ADAM20: variants seen among roughly 807,000 people sequenced by gnomAD.
ADAM20 encodes the protein disintegrin and metalloproteinase domain-containing protein 20.
For missense variants in ADAM20, 871 were observed against 883.2 expected (o/e 0.99, Z 0.18); for synonymous variants, 305 against 310.2 (o/e 0.98, Z 0.18).
chr14:70,542,854 G>A, the ADAM20 span, among the ~76,000 whole-genome samples: 9 of 151,826 alleles, frequency 5.9e-5, no homozygotes, highest in African/African-American at 7.3e-5. Context: ...CAGGAGAATC[G>A]CTTGAACCCG....
At chr14:70,529,626 T>C (rs1883667388) in intron 1 of ADAM20, among the ~76,000 whole-genome samples, 1 of 152,220 alleles carries the variant, frequency 6.6e-6, no homozygotes. Context: ...AGTATTTGTG[T>C]ATATAAACAT....
At chr14:70,530,241 G>T (rs1428601297) in intron 1 of ADAM20, among the ~76,000 whole-genome samples, 1 of 151,960 alleles carries the variant, frequency 6.6e-6, no homozygotes, top group African/African-American at 2.4e-5. Context: ...AGCCTAGGTC[G>T]TCACAGGGTG....
At chr14:70,566,919 T>C in the ADAM20 span, among the ~76,000 whole-genome samples, 11 of 151,634 alleles carry the variant, frequency 7.3e-5, no homozygotes, top group African/African-American at 4.9e-5. Flanking sequence ...GAGGCGGAGG[T>C]TGCAGTGAGC....
chr14:70,571,810 C>T, the ADAM20 span, among the ~76,000 whole-genome samples: 1 of 152,048 alleles, frequency 6.6e-6, no homozygotes, highest in Non-Finnish European at 1.5e-5. Flanking sequence ...AATCAATGTA[C>T]AAAAATCAGT....
the ADAM20 span, among the ~76,000 whole-genome samples, chr14:70,564,454 AG>A: frequency 0.15 from 22,577 of 152,196 alleles, 2,379 homozygotes; most frequent in East Asian, 0.49. Flanking sequence ...ACAGGGAAAA[AG>A]TGTTGTTTCA....
rs754033245 is a variant in ADAM20, at chr14:70,523,746, T to C, written c.1012A>G (p.Ile338Val). The change falls in exon 2 of 2, where the codon ATT becomes GTT. Residue 338 changes from isoleucine to valine, a missense_variant. By Grantham distance (29) the Ile-to-Val change is conservative. Coordinates refer to ENST00000256389, the MANE Select transcript of ADAM20 (RefSeq NM_003814.5). ...FEDNRLVVFA[I>V]TLGHELGHNL... ...TGACCAAGCTCGTGGCCCAAAGTAATTGCAAAAACGACCAACCTGTTGTCT... is the reference window on the plus strand; with the variant it reads ...TGACCAAGCTCGTGGCCCAAAGTAACTGCAAAAACGACCAACCTGTTGTCT... 3 of 1,614,036 alleles carry C rather than the reference T, an allele frequency of 1.9e-6. No individual in the cohort carries two copies. The highest frequency in any genetic ancestry group is 2.2e-5 in the East Asian group (1 of 44,870).
chr14:70,527,420 A>G (rs1422373408), intron 1 of ADAM20, among the ~76,000 whole-genome samples: 2 of 152,076 alleles, frequency 1.3e-5, no homozygotes, highest in Admixed American at 6.6e-5. Flanking sequence ...GTACATGAAC[A>G]TACTCAAATC....
At chr14:70,530,074 A>T (rs1339746578) in intron 1 of ADAM20, among the ~76,000 whole-genome samples, 2 of 152,172 alleles carry the variant, frequency 1.3e-5, no homozygotes, top group African/African-American at 4.8e-5. Context: ...CGAGGTCAGG[A>T]GTTTGAAACC....
At chr14:70,565,134 TA>T in the ADAM20 span, among the ~76,000 whole-genome samples, 14 of 151,204 alleles carry the variant, frequency 9.3e-5, no homozygotes, top group Non-Finnish European at 1.6e-4. Context: ...TAACTGGATT[TA>T]AAAAATCGCA....
chr14:70,538,951 C>A (rs1883891578), upstream of ADAM20, among the ~76,000 whole-genome samples: 1 of 152,192 alleles, frequency 6.6e-6, no homozygotes, highest in South Asian at 2.1e-4. Context: ...GTACGTGTCA[C>A]CATGCCTGTA....
At chr14:70,576,139 T>C in the ADAM20 span, among the ~76,000 whole-genome samples, 2 of 152,056 alleles carry the variant, frequency 1.3e-5, no homozygotes, top group Non-Finnish European at 2.9e-5. Context: ...ATTGAGGCAA[T>C]AATAAAGATC....
chr14:70,570,577 T>C, the ADAM20 span, among the ~76,000 whole-genome samples: 2 of 152,014 alleles, frequency 1.3e-5, no homozygotes, highest in Non-Finnish European at 2.9e-5. Context: ...GCCAGAAAGA[T>C]ATTGAAATCT....
At chr14:70,575,707 T>A in the ADAM20 span, among the ~76,000 whole-genome samples, 1 of 152,206 alleles carries the variant, frequency 6.6e-6, no homozygotes, top group Non-Finnish European at 1.5e-5. Context: ...AGGGACATGC[T>A]GTTCAAAGTG....
At chr14:70,545,165 G>A in the ADAM20 span, among the ~76,000 whole-genome samples, 2 of 152,152 alleles carry the variant, frequency 1.3e-5, no homozygotes, top group Non-Finnish European at 2.9e-5. Flanking sequence ...GAAACACCAA[G>A]TTTGACAACT....
the ADAM20 span, among the ~76,000 whole-genome samples, chr14:70,564,974 G>A: frequency 7.3e-5 from 11 of 150,788 alleles, no homozygotes; most frequent in African/African-American, 1.7e-4. Context: ...CTTGAGCCCC[G>A]GAGTTTGAAT....
intron 1 of ADAM20, among the ~76,000 whole-genome samples, chr14:70,534,412 T>C (rs959687571): frequency 2.0e-5 from 3 of 152,070 alleles, no homozygotes; most frequent in African/African-American, 4.8e-5. Flanking sequence ...TGCATTCCCA[T>C]GTTAACTGCA....
At chr14:70,564,467 C>T in the ADAM20 span, among the ~76,000 whole-genome samples, 1 of 152,050 alleles carries the variant, frequency 6.6e-6, no homozygotes, top group Non-Finnish European at 1.5e-5. Context: ...GTTGTTTCAT[C>T]AAATGTGCAG....
the ADAM20 span, among the ~76,000 whole-genome samples, chr14:70,576,150 A>G: frequency 1.3e-5 from 2 of 152,214 alleles, no homozygotes; most frequent in African/African-American, 4.8e-5. Flanking sequence ...AATAAAGATC[A>G]GAAGTTAATA....
chr14:70,545,361 G>A, the ADAM20 span, among the ~76,000 whole-genome samples: 9 of 152,200 alleles, frequency 5.9e-5, no homozygotes, highest in Admixed American at 2.0e-4. Flanking sequence ...CAGAGATTGT[G>A]AGGTTTTGCA....
Sources: allele counts gnomAD v4.1 joint callset (sites outside exome capture counted in the v4.1 genomes callset), GRCh38; gene constraint gnomAD v4.1.1; transcripts MANE v1.5; gene names NCBI Gene and HGNC (gene_info 2026-07-23, HGNC 2026-07-21).